Variants in CNOT10 observed in about 807,000 individuals in gnomAD.
CNOT10 encodes the protein CCR4-NOT transcription complex subunit 10.
In CNOT10, 30 loss-of-function variants were observed where a neutral mutation model predicts 94.6. The observed-to-expected ratio is 0.32, with a 90% CI of 0.24 to 0.43. CNOT10 has a LOEUF of 0.43. Ranked by LOEUF, CNOT10 falls within the 20% of genes least tolerant of loss-of-function variation. The probability of loss-of-function intolerance (pLI) is 1.00; values close to 1 mark genes in which losing one functional copy is unlikely to be tolerated. For missense variants in CNOT10, 759 were observed against 877.2 expected, an observed-to-expected ratio of 0.87 and a Z score of 1.70; for synonymous variants, 289 against 301.6, an observed-to-expected ratio of 0.96 and a Z score of 0.43.
chr3:32,742,940 A>G (rs1271371075), intron 13 of CNOT10, among the ~76,000 whole-genome samples: 1 of 152,096 alleles, frequency 6.6e-6, no homozygotes, highest in African/African-American at 2.4e-5. Flanking sequence ...ACAGTTTTTC[A>G]AACTTGATTT....
chr3:32,730,504 A>T (rs1698895832), intron 10 of CNOT10: 1 of 152,210 alleles, frequency 6.6e-6, no homozygotes, highest in Non-Finnish European at 1.5e-5. Flanking sequence ...GCCACCAGTA[A>T]TATCTTTGTG....
intron 8 of CNOT10, among the ~76,000 whole-genome samples, chr3:32,725,050 T>C (rs1187966411): frequency 1.3e-5 from 2 of 152,136 alleles, no homozygotes; most frequent in East Asian, 3.9e-4. Context: ...TTACTAAAAA[T>C]TAGCTGGGCA....
intron 17 of CNOT10, chr3:32,765,017 G>T: frequency 6.7e-7 from 1 of 1,484,946 alleles, no homozygotes; most frequent in Admixed American, 2.0e-5. Context: ...TCTTCTTGAT[G>T]ATTTTATTTT....
chr3:32,729,512 G>A lies in CNOT10; in HGVS notation c.1215+1642G>A, dbSNP rs558981367. The stretch of plus-strand genomic sequence containing the variant: ...CCTACCATAGGTGATATAAGATGTT[G>A]AGGCTCTCCTCCCGCTGAACAGCAG... On this transcript the variant is annotated intron_variant, in intron 10 of 18. Coordinates refer to ENST00000328834, the MANE Select transcript of CNOT10 (RefSeq NM_015442.3). 5.9e-5 allele frequency among the ~76,000 whole-genome samples: 9 copies of A among 152,246 alleles called. No individual in the cohort carries two copies. In the South Asian group the frequency reaches 1.9e-3, roughly 32 times the overall value.
intron 1 of CNOT10, among the ~76,000 whole-genome samples, chr3:32,699,962 A>G (rs1248277246): frequency 1.3e-5 from 2 of 151,490 alleles, no homozygotes; most frequent in Non-Finnish European, 2.9e-5. Context: ...TTTAGGAACA[A>G]ACATATCAGT....
chr3:32,753,512 A>G, intron 13 of CNOT10: 2 of 1,570,028 alleles, frequency 1.3e-6, no homozygotes, highest in Non-Finnish European at 1.8e-6. Flanking sequence ...AGCACATTTA[A>G]AGTAGTTTCA....
rs758693045 is a variant in CNOT10, at chr3:32,725,465, G to A, written c.878G>A (p.Cys293Tyr). Residue 293 changes from cysteine to tyrosine, a missense_variant, in exon 9 of 19, where the codon TGC becomes TAC. Transcript: ENST00000328834. ...GFMKTGECLRCMFWNNLGCIH... is the reference protein window; with the variant it reads ...GFMKTGECLRYMFWNNLGCIH... ...TTTTTTTCAGGTGAATGCTTGAGAT[G>A]CATGTTCTGGAATAACCTTGGTTGC... 84 of 1,612,956 alleles carry A rather than the reference G, an allele frequency of 5.2e-5. No individual in the cohort carries two copies. The highest frequency in any genetic ancestry group is 6.6e-5 in the Non-Finnish European group (78 of 1,179,666).
At chr3:32,768,561 C>G (rs757512494) in intron 17 of CNOT10, among the ~76,000 whole-genome samples, 1 of 145,396 alleles carries the variant, frequency 6.9e-6, no homozygotes, top group Non-Finnish European at 1.5e-5. Context: ...CCAGCCTGGG[C>G]AACAAGAGCA....
At chr3:32,725,187 G>GA (rs781405481) in intron 8 of CNOT10, among the ~76,000 whole-genome samples, 55 of 149,708 alleles carry the variant, frequency 3.7e-4, no homozygotes, top group East Asian at 1.8e-3. Context: ...TTTAAAAAAG[G>GA]AAAAAAAAAT....
chr3:32,723,266 G>A (rs901725591), intron 8 of CNOT10, among the ~76,000 whole-genome samples: 1 of 151,914 alleles, frequency 6.6e-6, no homozygotes, highest in African/African-American at 2.4e-5. Context: ...GGTGGCGGGC[G>A]CCTGTAGTCC....
chr3:32,712,468 A>G (rs1318533621), intron 4 of CNOT10, among the ~76,000 whole-genome samples: 4 of 152,156 alleles, frequency 2.6e-5, no homozygotes, highest in Non-Finnish European at 5.9e-5. Flanking sequence ...TATTTGCATT[A>G]TACTTACTGG....
chr3:32,745,275 T>G (rs193085331), intron 13 of CNOT10, among the ~76,000 whole-genome samples: 25 of 152,116 alleles, frequency 1.6e-4, no homozygotes, highest in Admixed American at 5.2e-4. Context: ...TGGTTTTTAA[T>G]TTTTAAAAAA....
chr3:32,743,265 G>A (rs1055877544), intron 13 of CNOT10, among the ~76,000 whole-genome samples: 4 of 152,004 alleles, frequency 2.6e-5, no homozygotes, highest in African/African-American at 9.7e-5. Context: ...GGCATTACAG[G>A]CATGAGCCAC....
At chr3:32,734,159 T>C (rs1699076963) in intron 11 of CNOT10, among the ~76,000 whole-genome samples, 1 of 152,220 alleles carries the variant, frequency 6.6e-6, no homozygotes, top group Non-Finnish European at 1.5e-5. Flanking sequence ...TAATTTAGTC[T>C]TAATTTAGTT....
At position 32,762,857 on chromosome 3, in the gene CNOT10, G is replaced by A. The variant is rs1398565193; in HGVS notation, c.1834G>A (p.Asp612Asn). ...CTTAGGGATCTCTTCAAATGAGCAG[G>A]ACCAAGGTTAATGAGGACATCTTTG... ...VSLGISSNEQ[D>N]QGSDKGENEA... The change falls in exon 15 of 19, where the codon GAC becomes AAC. Residue 612 changes from aspartate to asparagine, a missense_variant. By Grantham distance (23) the Asp-to-Asn change is conservative. Around this residue, in one of 3 missense-constraint regions of CNOT10, gnomAD observed 682 missense variants for 799.4 expected, o/e 0.85. Transcript: ENST00000328834. 1.3e-6 allele frequency: 2 copies of A among 1,542,100 alleles called. No individual in the cohort carries two copies. Among genetic ancestry groups the A allele is most frequent in the Non-Finnish European group, 1.7e-6 (2 of 1,156,288 alleles).
chr3:32,750,471 G>A (rs950441342), intron 13 of CNOT10, among the ~76,000 whole-genome samples: 7 of 152,006 alleles, frequency 4.6e-5, no homozygotes, highest in South Asian at 2.1e-4. Context: ...CACCCTGAGC[G>A]ACAGAGCAAG....
At chr3:32,757,502 G>A (rs537476439) in intron 13 of CNOT10, among the ~76,000 whole-genome samples, 46 of 152,230 alleles carry the variant, frequency 3.0e-4, no homozygotes, top group Admixed American at 2.0e-3. Context: ...TTGAGCCTCC[G>A]GAGACCGGAC....
chr3:32,736,882 G>C (rs889795211), intron 12 of CNOT10, among the ~76,000 whole-genome samples: 1 of 151,968 alleles, frequency 6.6e-6, no homozygotes, highest in Non-Finnish European at 1.5e-5. Flanking sequence ...TTTTCAGTTA[G>C]AGATTTTTTA....
intron 10 of CNOT10, among the ~76,000 whole-genome samples, chr3:32,730,098 G>A (rs1698875619): frequency 6.6e-6 from 1 of 152,140 alleles, no homozygotes; most frequent in Non-Finnish European, 1.5e-5. Context: ...GATAAAAGAA[G>A]CAAATAGAAA....
Sources: allele counts gnomAD v4.1 joint callset (sites outside exome capture counted in the v4.1 genomes callset), GRCh38; gene constraint gnomAD v4.1.1; regional missense constraint gnomAD v4.1.1; transcripts MANE v1.5; gene names NCBI Gene and HGNC (gene_info 2026-07-23, HGNC 2026-07-21).